The following IQSEC1 variants were observed in gnomAD, a reference collection of about 807,000 sequenced individuals.
The protein encoded by IQSEC1 is IQ motif and Sec7 domain ArfGEF 1, also known as IQ motif and SEC7 domain-containing protein 1.
In IQSEC1, 31 loss-of-function variants were observed where a neutral mutation model predicts 91.0. The observed-to-expected ratio is 0.34, with a 90% CI of 0.26 to 0.46. The LOEUF (loss-of-function observed/expected upper bound fraction) is 0.46. IQSEC1 is among the 20% of genes least tolerant of loss of function. The pLI, the probability that IQSEC1 is intolerant of heterozygous loss-of-function variation, is 1.00. For synonymous variants in IQSEC1, 699 were observed against 662.6 expected (o/e 1.05, Z -0.84); for missense variants, 1,388 against 1,575.6 (o/e 0.88, Z 2.02).
chr3:12,947,352 T>C (rs1699250232), intron 1 of IQSEC1, among the ~76,000 whole-genome samples: 1 of 152,204 alleles, frequency 6.6e-6, no homozygotes, highest in Non-Finnish European at 1.5e-5. Flanking sequence ...ACTCCAATCC[T>C]GGCTGGAAGC....
chr3:13,275,359 G>A (rs895943569), intron 1 of IQSEC1, among the ~76,000 whole-genome samples: 3 of 152,190 alleles, frequency 2.0e-5, no homozygotes, highest in Non-Finnish European at 4.4e-5. Context: ...CCAGCTTGGA[G>A]GGCAGGGGCC....
Position 13,154,461 on chromosome 3 carries a change from A to ATATATAT in IQSEC1, c.302+9636_302+9642dup, listed in dbSNP as rs1352876637. ...TGCATATATATATATATATATATAT[A>ATATATAT]TATATATATATATATGCAAAAACTG... On this transcript the variant is annotated intron_variant, in intron 2 of 15. Coordinates refer to the IQSEC1 transcript ENST00000648114. Among the ~76,000 whole-genome samples the ATATATAT allele has an allele frequency of 1.2e-4, 14 of 112,806 alleles. 2 individuals are homozygous for ATATATAT. The highest frequency in any genetic ancestry group is 9.3e-4 in the Admixed American group (10 of 10,702). 74.0% of individuals were successfully genotyped at this position (112,806 alleles called of 152,430 possible).
At chr3:13,100,271 T>C (rs1209178780) in intron 2 of IQSEC1, among the ~76,000 whole-genome samples, 4 of 148,250 alleles carry the variant, frequency 2.7e-5, no homozygotes, top group Non-Finnish European at 4.5e-5. Flanking sequence ...AAGAATTGGC[T>C]GGCTCCTTCC....
At chr3:13,056,554 C>A (rs360765) in intron 1 of IQSEC1, among the ~76,000 whole-genome samples, 53,734 of 151,880 alleles carry the variant, frequency 0.35, 10,892 homozygotes, top group East Asian at 0.66. Context: ...AAGGTGGAGA[C>A]CTCCCCAAGC....
chr3:13,009,153 T>G (rs1702762759), intron 1 of IQSEC1, among the ~76,000 whole-genome samples: 1 of 152,232 alleles, frequency 6.6e-6, no homozygotes, highest in South Asian at 2.1e-4. Flanking sequence ...TTTGTTCATG[T>G]GCCTGCTCTG....
intron 2 of IQSEC1, among the ~76,000 whole-genome samples, chr3:13,141,907 C>G (rs1236350849): frequency 2.6e-5 from 4 of 152,230 alleles, no homozygotes; most frequent in African/African-American, 4.8e-5. Context: ...ACTGTCAGAG[C>G]TGGGAGAGCC....
Position 12,936,155 on chromosome 3 carries a change from A to G in IQSEC1, c.861T>C (p.Ser287=). 1 of 1,612,574 alleles carries G rather than the reference A, an allele frequency of 6.2e-7. No individual in the cohort carries two copies. Among genetic ancestry groups the G allele is most frequent in the East Asian group, 2.2e-5 (1 of 44,852 alleles). ...CCTCATCGATGTACAGGGTGACATC[A>G]CTGTACGAGGCCGTCATCTCGTCCA... ...RKLDEMTASY[S]DVTLYIDEEE... Residue 287 remains serine (S), a synonymous_variant, in exon 3 of 14, where the codon AGT becomes AGC. Coordinates refer to ENST00000613206, the MANE Select transcript of IQSEC1 (RefSeq NM_001134382.3).
At chr3:12,925,103 G>A (rs1424947305) in intron 3 of IQSEC1, among the ~76,000 whole-genome samples, 1 of 152,144 alleles carries the variant, frequency 6.6e-6, no homozygotes, top group Admixed American at 6.5e-5. Flanking sequence ...TCACTCCCCT[G>A]CCCTGCCTGC....
chr3:12,914,288 A>G (rs1232406145), intron 8 of IQSEC1, among the ~76,000 whole-genome samples: 1 of 152,122 alleles, frequency 6.6e-6, no homozygotes. Flanking sequence ...AGGGCGAGGG[A>G]TGAGCCATCA....
intron 1 of IQSEC1, among the ~76,000 whole-genome samples, chr3:13,032,622 C>T (rs1207436652): frequency 2.7e-5 from 4 of 150,362 alleles, no homozygotes; most frequent in South Asian, 2.1e-4. Flanking sequence ...CTCGCTCTGT[C>T]GCCCAGGCTG....
chr3:13,281,355 T>A (rs1195538311), intron 1 of IQSEC1, among the ~76,000 whole-genome samples: 2 of 152,114 alleles, frequency 1.3e-5, no homozygotes, highest in Non-Finnish European at 2.9e-5. Context: ...GGGCGGGGTC[T>A]CTGCTTCCTC....
At chr3:13,035,792 T>C (rs1704013799) in intron 1 of IQSEC1, among the ~76,000 whole-genome samples, 1 of 152,192 alleles carries the variant, frequency 6.6e-6, no homozygotes, top group South Asian at 2.1e-4. Flanking sequence ...GATCATGCCA[T>C]AGAAGCGATG....
Position 13,101,419 on chromosome 3 carries a change from C to CAAAAAAAAAAAAAAAAAAAAAAAAA in IQSEC1, c.303-53898_303-53897insTTTTTTTTTTTTTTTTTTTTTTTTT, listed in dbSNP as rs5846799. On this transcript the variant is annotated intron_variant, in intron 2 of 15. Coordinates refer to the IQSEC1 transcript ENST00000648114. ...GGGAGACAGGGTGAGATTCCATCTCCAAAAAAAAAAAAAATGCACCCTTCT... is the reference window on the plus strand; with the variant it reads ...GGGAGACAGGGTGAGATTCCATCTCCAAAAAAAAAAAAAAAAAAAAAAAAAAAAAAAAAAAAAAATGCACCCTTCT... Among the ~76,000 whole-genome samples the CAAAAAAAAAAAAAAAAAAAAAAAAA allele has an allele frequency of 4.4e-4, 52 of 119,446 alleles. 1 individual carries two copies. The highest frequency in any genetic ancestry group is 2.6e-3 in the South Asian group (10 of 3,902). The allele number at this position is 119,446 out of a possible 152,430, so 78.4% of individuals were successfully genotyped here.
At chr3:13,111,083 C>A (rs1706237534) in intron 2 of IQSEC1, among the ~76,000 whole-genome samples, 1 of 152,204 alleles carries the variant, frequency 6.6e-6, no homozygotes, top group Non-Finnish European at 1.5e-5. Flanking sequence ...GTGCTCATGC[C>A]CACTGCCCCA....
At chr3:13,124,947 G>A (rs73147129) in intron 2 of IQSEC1, among the ~76,000 whole-genome samples, 5,475 of 152,198 alleles carry the variant, frequency 0.036, 258 homozygotes, top group African/African-American at 0.11. Context: ...CCTGGCCACC[G>A]TCATGTTTGG....
At chr3:12,987,281 G>A (rs1264407946) in intron 1 of IQSEC1, among the ~76,000 whole-genome samples, 3 of 152,222 alleles carry the variant, frequency 2.0e-5, no homozygotes, top group Admixed American at 6.5e-5. Flanking sequence ...CCCACAGCCT[G>A]CAGTTGGGCC....
chr3:13,082,077 C>T (rs1407769477), intron 2 of IQSEC1, among the ~76,000 whole-genome samples: 2 of 152,098 alleles, frequency 1.3e-5, no homozygotes, highest in Admixed American at 6.5e-5. Flanking sequence ...GAAGCAGTGG[C>T]CCCCGAGTCG....
chr3:13,117,569 CAA>C (rs34002295), intron 2 of IQSEC1, among the ~76,000 whole-genome samples: 10 of 9,456 alleles, frequency 1.1e-3, no homozygotes, highest in African/African-American at 3.4e-3. Context: ...GACTCCGTCT[CAA>C]AAAAAAAAAA....
intron 2 of IQSEC1, among the ~76,000 whole-genome samples, chr3:13,111,234 C>A (rs976447933): frequency 6.6e-6 from 1 of 152,230 alleles, no homozygotes; most frequent in Non-Finnish European, 1.5e-5. Flanking sequence ...CCAGGGCTCA[C>A]CACACCCCAC....
Sources: gnomAD v4.1 joint callset for allele counts (sites outside exome capture counted in the v4.1 genomes callset) on GRCh38, gnomAD v4.1.1 for gene constraint, MANE v1.5 for transcripts, NCBI Gene and HGNC (gene_info 2026-07-23, HGNC 2026-07-21) for gene names.